SERINC1: variants seen among roughly 807,000 people sequenced by gnomAD.
SERINC1 encodes serine incorporator 1.
Under a neutral mutation model 52.9 loss-of-function variants are expected in SERINC1, and 38 were observed. The observed-to-expected ratio is 0.72, with a 90% CI of 0.55 to 0.94. The LOEUF is 0.94. Ranked by LOEUF, SERINC1 falls within the 40% of genes least tolerant of loss-of-function variation. The pLI is 0.00. For synonymous variants in SERINC1, 198 were observed against 183.1 expected, an observed-to-expected ratio of 1.08 and a Z score of -0.66; for missense variants, 471 against 533.9, an observed-to-expected ratio of 0.88 and a Z score of 1.16.
intron 2 of SERINC1, among the ~76,000 whole-genome samples, chr6:122,457,808 T>C (rs553430866): frequency 5.6e-4 from 84 of 149,562 alleles, no homozygotes; most frequent in African/African-American, 2.1e-3. Context: ...GACATACATA[T>C]ATATATATAT....
intron 1 of SERINC1, among the ~76,000 whole-genome samples, chr6:122,463,938 G>C (rs72958533): frequency 0.015 from 2,226 of 152,208 alleles, 23 homozygotes; most frequent in Non-Finnish European, 0.025. Flanking sequence ...TCAAAACCTA[G>C]AAAGGCTCCT....
intron 1 of SERINC1, among the ~76,000 whole-genome samples, chr6:122,468,428 C>T (rs1401449091): frequency 1.3e-5 from 2 of 152,138 alleles, no homozygotes; most frequent in East Asian, 3.9e-4. Flanking sequence ...TGCCAAATGC[C>T]CACTGGGGAG....
chr6:122,458,125 C>T (rs548974049), intron 2 of SERINC1, among the ~76,000 whole-genome samples: 7 of 152,222 alleles, frequency 4.6e-5, no homozygotes, highest in African/African-American at 1.7e-4. Context: ...GACTTTTATA[C>T]TTTATTAATT....
Position 122,446,796 on chromosome 6 carries a change from T to C in SERINC1, c.1204A>G (p.Met402Val). 1 of 1,612,594 alleles carries C rather than the reference T, an allele frequency of 6.2e-7. No homozygotes were observed. The highest frequency in any genetic ancestry group is 2.2e-5 in the East Asian group (1 of 44,848). ...MLFLASLYIM[M>V]TLTNWYRYEP... ...TACCTGTACCAGTTGGTAAGGGTCA[T>C]CATGATATAAAGTGAAGCCAGGAAA... The change falls in exon 9 of 10, where the codon ATG becomes GTG. Residue 402 changes from methionine (M) to valine (V), a missense_variant. By Grantham distance (21) the Met-to-Val change is conservative. Transcript: ENST00000339697.
chr6:122,449,763 G>A (rs1235546055), intron 7 of SERINC1, among the ~76,000 whole-genome samples: 3 of 152,172 alleles, frequency 2.0e-5, no homozygotes, highest in Non-Finnish European at 2.9e-5. Context: ...ACGCCTGTAA[G>A]TTCAGCACTT....
chr6:122,452,634 G>A (rs1311535751), intron 5 of SERINC1, among the ~76,000 whole-genome samples: 1 of 152,044 alleles, frequency 6.6e-6, no homozygotes, highest in Non-Finnish European at 1.5e-5. Flanking sequence ...GCTAATATGT[G>A]CCTAATATAC....
intron 7 of SERINC1, among the ~76,000 whole-genome samples, chr6:122,448,017 G>A (rs1366962417): frequency 6.6e-6 from 1 of 151,786 alleles, no homozygotes; most frequent in Non-Finnish European, 1.5e-5. Flanking sequence ...GGGAGGCTGA[G>A]GCAGAAAGAC....
chr6:122,465,465 T>G (rs1490135341), intron 1 of SERINC1, among the ~76,000 whole-genome samples: 1 of 152,218 alleles, frequency 6.6e-6, no homozygotes, highest in Non-Finnish European at 1.5e-5. Context: ...AGTCAAATTT[T>G]ATGTACTGAA....
chr6:122,454,872 AG>A (rs1321888693), intron 3 of SERINC1, among the ~76,000 whole-genome samples: 1 of 152,188 alleles, frequency 6.6e-6, no homozygotes, highest in Admixed American at 6.6e-5. Flanking sequence ...AATTGTTGTG[AG>A]TACTTCCTCC....
chr6:122,452,105 T>G lies in SERINC1; in HGVS notation c.590-48A>C, dbSNP rs199918774. The G allele has an allele frequency of 1.2e-5, 15 of 1,265,524 alleles. No individual in the cohort carries two copies. The East Asian group carries it at 2.3e-4, about 19-fold the overall frequency. 78.4% of individuals were successfully genotyped at this position (1,265,524 alleles called of 1,614,324 possible). On this transcript the variant is annotated intron_variant, in intron 5 of 9. Transcript: ENST00000339697. ...TAATTAGCTTTTTATCAGAAATTAT[T>G]AGCAATTAGAAATGGGACCTGTTTT...
At chr6:122,450,460 T>A (rs1774885749) in intron 7 of SERINC1, among the ~76,000 whole-genome samples, 1 of 152,240 alleles carries the variant, frequency 6.6e-6, no homozygotes. Flanking sequence ...GGGAGATTAA[T>A]ATTTTCATGT....
intron 1 of SERINC1, 71 bp from the exon 2 acceptor site, chr6:122,458,752 G>GA: frequency 9.5e-7 from 1 of 1,054,990 alleles, no homozygotes; most frequent in Non-Finnish European, 1.4e-6. Flanking sequence ...ATGATACAAT[G>GA]AAAATTGACA....
chr6:122,463,472 T>C (rs9398674), intron 1 of SERINC1, among the ~76,000 whole-genome samples: 20,410 of 152,002 alleles, frequency 0.13, 1,458 homozygotes, highest in East Asian at 0.21. Flanking sequence ...ATCATCGGCA[T>C]CCAGAATATA....
At chr6:122,464,610 T>C (rs1775156612) in intron 1 of SERINC1, among the ~76,000 whole-genome samples, 1 of 152,206 alleles carries the variant, frequency 6.6e-6, no homozygotes, top group Non-Finnish European at 1.5e-5. Context: ...TACTATATTA[T>C]ACCAGTCCAA....
In SERINC1 at chr6:122,445,104, G is replaced by C. The variant is rs759855681; in HGVS notation, c.1302C>G (p.Ile434Met). ...CCACGAGTGTCCAAACATACAGCAC[G>C]ATGCCAATCCAACTGGAAGAGATTT... ...WVKISSSWIG[I>M]VLYVWTLVAP... The change falls in exon 10 of 10, where the codon ATC (isoleucine) becomes ATG (methionine). Residue 434 changes from isoleucine (I) to methionine (M), a missense_variant. Coordinates refer to ENST00000339697, the MANE Select transcript of SERINC1 (RefSeq NM_020755.4). The C allele has an allele frequency of 9.3e-6, 15 of 1,613,860 alleles. No individual in the cohort carries two copies. Among genetic ancestry groups the C allele is most frequent in the Admixed American group, 3.3e-5 (2 of 60,010 alleles).
Position 122,458,589 on chromosome 6 carries a change from A to G in SERINC1, c.132T>C (p.Leu44=). The part of the protein sequence containing the change: ...NSTVTRLIYA[L]FLLVGVCVAC... The stretch of plus-strand genomic sequence containing the variant: ...CTACACATACTCCAACAAGCAAGAA[A>G]AGTGCATAGATCAATCTAGTTACAG... Residue 44 remains leucine, a synonymous_variant, in exon 2 of 10, where the codon CTT becomes CTC. Coordinates refer to ENST00000339697, the MANE Select transcript of SERINC1 (RefSeq NM_020755.4). The G allele has an allele frequency of 6.2e-7, 1 of 1,613,338 alleles. No homozygotes were observed. Among genetic ancestry groups the G allele is most frequent in the Non-Finnish European group, 8.5e-7 (1 of 1,179,322 alleles).
chr6:122,453,694 G>T, intron 5 of SERINC1, 76 bp downstream of exon 5: 1 of 1,215,330 alleles, frequency 8.2e-7, no homozygotes, highest in Non-Finnish European at 1.1e-6. Context: ...AATCCTAAGT[G>T]ATTTACCTAG....
chr6:122,464,203 A>G lies in SERINC1; in HGVS notation c.40-5522T>C, dbSNP rs567017165. 4.6e-5 allele frequency among the ~76,000 whole-genome samples: 7 copies of G among 152,296 alleles called. 1 individual carries two copies. Among genetic ancestry groups the G allele is most frequent in the African/African-American group, 1.7e-4 (7 of 41,564 alleles). ...AAAACGGTTACACGACTAGAGATGCATTTGTCAAAACTCATGGAACTGTAT... is the reference window on the plus strand; with the variant it reads ...AAAACGGTTACACGACTAGAGATGCGTTTGTCAAAACTCATGGAACTGTAT... On this transcript the variant is annotated intron_variant, in intron 1 of 9. Transcript: ENST00000339697.
At chr6:122,455,538 G>A (rs1774978821) in intron 3 of SERINC1, among the ~76,000 whole-genome samples, 1 of 151,992 alleles carries the variant, frequency 6.6e-6, no homozygotes, top group African/African-American at 2.4e-5. Flanking sequence ...TTGCTCCTCA[G>A]CTTGCAGATG....
Sources: gnomAD v4.1 joint callset for allele counts (sites outside exome capture counted in the v4.1 genomes callset) on GRCh38, gnomAD v4.1.1 for gene constraint, MANE v1.5 for transcripts, NCBI Gene and HGNC (gene_info 2026-07-23, HGNC 2026-07-21) for gene names.